The following C12orf56 variants were observed in gnomAD, a reference collection of about 807,000 sequenced individuals.
The protein encoded by C12orf56 is chromosome 12 open reading frame 56, also known as uncharacterized protein C12orf56.
In C12orf56, 71 loss-of-function variants were observed where a neutral mutation model predicts 69.9. The observed-to-expected ratio is 1.02, with a 90% confidence interval of 0.84 to 1.24. C12orf56 has a LOEUF of 1.24. C12orf56 is among the 50% of genes most tolerant of loss of function. C12orf56 has a pLI of 0.00. For missense variants in C12orf56, 732 were observed against 738.5 expected, an observed-to-expected ratio of 0.99 and a Z score of 0.10; for synonymous variants, 276 against 274.1, an observed-to-expected ratio of 1.01 and a Z score of -0.07.
intron 4 of C12orf56, among the ~76,000 whole-genome samples, chr12:64,317,831 A>G (rs888924715): frequency 3.3e-5 from 5 of 152,146 alleles, no homozygotes; most frequent in Non-Finnish European, 5.9e-5. Flanking sequence ...AGTGATTTCT[A>G]GACAAATTTA....
At position 64,286,013 on chromosome 12, in the gene C12orf56, C is replaced by T. The variant is rs763177068; in HGVS notation, c.1161G>A (p.Leu387=). The change falls in exon 7 of 13, where the codon TTG becomes TTA. Residue 387 remains leucine (L), a synonymous_variant. Coordinates refer to ENST00000543942, the MANE Select transcript of C12orf56 (RefSeq NM_001170633.2). ...GTGCATTCTTATCCCTAGACTCCGG[C>T]AAGTACTCATGAAGTTTGTTTACTA... ...YFIVNKLHEY[L]PESRDKNALQ... is the part of the protein sequence containing the mutation. The T allele has an allele frequency of 3.7e-6, 6 of 1,611,308 alleles. No homozygotes were observed. The Admixed American group carries it at 6.7e-5, about 18-fold the overall frequency.
chr12:64,386,403 T>A lies in C12orf56; in HGVS notation c.252+3911A>T, dbSNP rs1435831621. 8.8e-3 allele frequency among the ~76,000 whole-genome samples: 1,278 copies of A among 145,066 alleles called. 26 individuals carry two copies. Among genetic ancestry groups the A allele is most frequent in the African/African-American group, 0.012 (482 of 39,390 alleles). On this transcript the variant is annotated intron_variant, in intron 1 of 12. Coordinates refer to ENST00000543942, the MANE Select transcript of C12orf56 (RefSeq NM_001170633.2). ...TAATTTTTATATATATATATATTTT[T>A]TTTTTTTTTTGAGACGGAGTTCCAC...
chr12:64,309,855 A>G (rs1224331601), intron 5 of C12orf56, among the ~76,000 whole-genome samples: 1 of 152,130 alleles, frequency 6.6e-6, no homozygotes, highest in East Asian at 1.9e-4. Flanking sequence ...TAACCGTTTT[A>G]ACAAAAATAC....
intron 11 of C12orf56, among the ~76,000 whole-genome samples, chr12:64,274,088 C>CG (rs2038022286): frequency 6.6e-6 from 1 of 152,198 alleles, no homozygotes; most frequent in Non-Finnish European, 1.5e-5. Context: ...TCCCCTGTCA[C>CG]GGGGGGCAGA....
chr12:64,358,039 T>G (rs199945422), intron 1 of C12orf56, among the ~76,000 whole-genome samples: 8 of 152,216 alleles, frequency 5.3e-5, no homozygotes, highest in Non-Finnish European at 1.0e-4. Context: ...TATTTGTGTA[T>G]GTAAAAGGAG....
rs76064660 is a variant in C12orf56, at chr12:64,282,066, A to C, written c.1310+2598T>G. 6.7e-3 allele frequency among the ~76,000 whole-genome samples: 1,024 copies of C among 152,326 alleles called. 14 individuals carry two copies. Among genetic ancestry groups the C allele is most frequent in the African/African-American group, 0.023 (970 of 41,570 alleles). ...GGCAGTACTACCAATCGCATAAAGA[A>C]GTATTCAAGCTGGGCGCAGTGGTTC... is the stretch of plus-strand genomic sequence containing the variant. On this transcript the variant is annotated intron_variant, in intron 8 of 12. Transcript: ENST00000543942.
At chr12:64,356,177 A>C (rs1308959475) in intron 1 of C12orf56, among the ~76,000 whole-genome samples, 2 of 148,560 alleles carry the variant, frequency 1.3e-5, no homozygotes, top group South Asian at 2.1e-4. Flanking sequence ...TCTCAAAAAA[A>C]AAAAAAAAAA....
chr12:64,343,344 A>G (rs1380448521), intron 2 of C12orf56, among the ~76,000 whole-genome samples: 4 of 152,196 alleles, frequency 2.6e-5, no homozygotes, highest in African/African-American at 9.7e-5. Context: ...CATCAATGTA[A>G]TGGACCAGTG....
intron 9 of C12orf56, 42 bp downstream of exon 9, chr12:64,277,638 A>ATG: frequency 1.6e-6 from 2 of 1,224,704 alleles, no homozygotes; most frequent in Non-Finnish European, 1.0e-6. Flanking sequence ...GCCCCTATAT[A>ATG]TATATATATA....
chr12:64,324,219 C>T (rs970037113), intron 3 of C12orf56, among the ~76,000 whole-genome samples: 57 of 152,158 alleles, frequency 3.7e-4, no homozygotes, highest in Admixed American at 1.9e-3. Context: ...CTAGTATGTA[C>T]CAAGCACTGG....
chr12:64,386,399 T>TATA lies in C12orf56; in HGVS notation c.252+3914_252+3915insTAT, dbSNP rs1555196189. ...TGGCTAATTTTTATATATATATATA[T>TATA]TTTTTTTTTTTTTTGAGACGGAGTT... On this transcript the variant is annotated intron_variant, in intron 1 of 12. Transcript: ENST00000543942. 2.5e-3 allele frequency among the ~76,000 whole-genome samples: 204 copies of TATA among 81,466 alleles called. 1 individual carries two copies. The highest frequency in any genetic ancestry group is 8.5e-3 in the African/African-American group (186 of 21,896). The allele number at this position is 81,466 out of a possible 152,430, so 53.4% of individuals were successfully genotyped here. A position where few individuals can be genotyped will look rare whatever the true frequency, so the allele number is the denominator to read the frequency against.
chr12:64,311,742 A>G (rs1424076133), intron 5 of C12orf56, among the ~76,000 whole-genome samples: 2 of 152,166 alleles, frequency 1.3e-5, no homozygotes, highest in East Asian at 3.9e-4. Flanking sequence ...TGTCATACAT[A>G]TTTTTTGTAC....
chr12:64,270,548 C>T lies in C12orf56; in HGVS notation c.1751G>A (p.Arg584Lys), dbSNP rs375405180. ...CATTTTTTCTTACCTGAATTCTTCT[C>T]TGTAGTTATTCCTAATATACTCAGC... ...TLAEYIRNNY[R>K]EEFRYFIHMP... The change falls in exon 12 of 13, where the codon AGA becomes AAA. Residue 584 changes from arginine (R) to lysine (K), a missense_variant. By Grantham distance (26) the Arg-to-Lys change is conservative (BLOSUM62 2). Transcript: ENST00000543942. 6.3e-7 allele frequency: 1 copy of T among 1,576,166 alleles called. No homozygotes were observed. The highest frequency in any genetic ancestry group is 1.4e-5 in the African/African-American group (1 of 73,286).
intron 12 of C12orf56, chr12:64,267,594 T>A (rs7956726): frequency 0.23 from 67,621 of 291,896 alleles, 8,746 homozygotes; most frequent in East Asian, 0.5. Flanking sequence ...CGCAGTGAGG[T>A]GTTGAAATGA....
At chr12:64,371,025 G>C (rs968858480) in intron 1 of C12orf56, among the ~76,000 whole-genome samples, 2 of 151,980 alleles carry the variant, frequency 1.3e-5, no homozygotes, top group Non-Finnish European at 2.9e-5. Flanking sequence ...AAAGAATAGA[G>C]AACCCAGAAA....
intron 3 of C12orf56, among the ~76,000 whole-genome samples, chr12:64,320,011 C>A (rs1292173603): frequency 6.6e-6 from 1 of 152,274 alleles, no homozygotes; most frequent in African/African-American, 2.4e-5. Flanking sequence ...ACTTCCATCC[C>A]TCCGGATCCG....
At position 64,386,384 on chromosome 12, in the gene C12orf56, T is replaced by TTA. The variant is rs1465862061; in HGVS notation, c.252+3928_252+3929dup. Among the ~76,000 whole-genome samples the TTA allele has an allele frequency of 8.1e-3, 842 of 104,076 alleles. 23 individuals are homozygous for TTA. The highest frequency in any genetic ancestry group is 0.029 in the African/African-American group (776 of 26,362). The allele number at this position is 104,076 out of a possible 152,430, so 68.3% of individuals were successfully genotyped here. A position where few individuals can be genotyped will look rare whatever the true frequency, so the allele number is the denominator to read the frequency against. On this transcript the variant is annotated intron_variant, in intron 1 of 12. Coordinates refer to ENST00000543942, the MANE Select transcript of C12orf56 (RefSeq NM_001170633.2). ...GTGTGCTACCACTGCTGGCTAATTT[T>TTA]TATATATATATATATTTTTTTTTTT... is the stretch of plus-strand genomic sequence containing the variant.
intron 2 of C12orf56, among the ~76,000 whole-genome samples, chr12:64,348,387 T>G (rs1343721507): frequency 6.6e-6 from 1 of 152,198 alleles, no homozygotes; most frequent in East Asian, 1.9e-4. Flanking sequence ...TCAGCAAAAT[T>G]TATAAAGGAT....
In C12orf56 at chr12:64,365,485, G is replaced by A. The variant is rs2039453538; in HGVS notation, c.253-12429C>T. On this transcript the variant is annotated intron_variant, in intron 1 of 12. Transcript: ENST00000543942. ...CGGCCGCTATTCCCATTTTATAAGG[G>A]AATACAAGGAACCTAAGGCTCAGAG... 2.0e-5 allele frequency among the ~76,000 whole-genome samples: 3 copies of A among 151,280 alleles called. No homozygotes were observed. In the South Asian group the frequency reaches 6.2e-4, roughly 31 times the overall value.
Sources: allele counts gnomAD v4.1 joint callset (sites outside exome capture counted in the v4.1 genomes callset), GRCh38; gene constraint gnomAD v4.1.1; transcripts MANE v1.5; gene names NCBI Gene and HGNC (gene_info 2026-07-23, HGNC 2026-07-21).